NBEA: variants seen among roughly 807,000 people sequenced by gnomAD.
The protein encoded by NBEA is lysosomal-trafficking regulator 2.
A neutral mutation model predicts 343.4 loss-of-function variants in NBEA; 44 were observed. The observed-to-expected ratio is 0.13, with a 90% CI of 0.10 to 0.16. NBEA has a LOEUF of 0.16. Ranked by LOEUF, NBEA falls within the 10% of genes least tolerant of loss-of-function variation. NBEA has a pLI of 1.00. For synonymous variants in NBEA, 1,175 were observed against 1,238.7 expected, an observed-to-expected ratio of 0.95 and a Z score of 1.08; for missense variants, 2,555 against 3,631.3, an observed-to-expected ratio of 0.70 and a Z score of 7.62.
chr13:35,008,339 G>A (rs1349966390), intron 1 of NBEA, among the ~76,000 whole-genome samples: 1 of 152,082 alleles, frequency 6.6e-6, no homozygotes, highest in African/African-American at 2.4e-5. Flanking sequence ...ATCCCTTAAG[G>A]AAAATGGCTT....
intron 38 of NBEA, among the ~76,000 whole-genome samples, chr13:35,386,553 A>G (rs1438764816): frequency 1.3e-5 from 2 of 152,160 alleles, no homozygotes; most frequent in Non-Finnish European, 2.9e-5. Context: ...TAAAATAACT[A>G]TAGGCTTATC....
chr13:35,251,453 C>A, intron 34 of NBEA: 12 of 1,057,978 alleles, frequency 1.1e-5, no homozygotes, highest in Non-Finnish European at 1.4e-5. Flanking sequence ...GAGAACTTAT[C>A]ACTCAGAGAG....
chr13:35,302,812 A>G (rs2036639559), intron 35 of NBEA, among the ~76,000 whole-genome samples: 1 of 152,160 alleles, frequency 6.6e-6, no homozygotes, highest in Non-Finnish European at 1.5e-5. Flanking sequence ...TTCTGGCCCT[A>G]GTGTCATCAC....
At chr13:35,138,135 A>G (rs1167982169) in intron 17 of NBEA, among the ~76,000 whole-genome samples, 2 of 152,146 alleles carry the variant, frequency 1.3e-5, no homozygotes, top group African/African-American at 2.4e-5. Context: ...TTGATCAGCA[A>G]TTCTTGTCAA....
chr13:35,189,283 CTAA>C (rs2071993557), intron 30 of NBEA, among the ~76,000 whole-genome samples: 1 of 152,060 alleles, frequency 6.6e-6, no homozygotes, highest in African/African-American at 2.4e-5. Context: ...TTGTATTCCT[CTAA>C]TAATTAGCGA....
chr13:35,048,097 T>C (rs1370966759), intron 4 of NBEA, among the ~76,000 whole-genome samples: 2 of 151,614 alleles, frequency 1.3e-5, no homozygotes, highest in African/African-American at 4.8e-5. Flanking sequence ...TTATGAACAT[T>C]ATCTCTTAAT....
chr13:35,108,105 A>G (rs1013211519), intron 11 of NBEA, among the ~76,000 whole-genome samples: 26 of 152,180 alleles, frequency 1.7e-4, no homozygotes, highest in Admixed American at 1.4e-3. Flanking sequence ...TGGTAAGACA[A>G]TTTCATCCCT....
intron 40 of NBEA, among the ~76,000 whole-genome samples, chr13:35,455,972 A>G (rs1170761877): frequency 6.6e-6 from 1 of 152,058 alleles, no homozygotes; most frequent in East Asian, 1.9e-4. Context: ...TGAAAATGAC[A>G]TCTTCTGTTT....
At chr13:35,229,090 G>C (rs555646364) in intron 33 of NBEA, among the ~76,000 whole-genome samples, 38 of 152,222 alleles carry the variant, frequency 2.5e-4, no homozygotes, top group African/African-American at 8.4e-4. Flanking sequence ...GAGTGTAGTG[G>C]CATGATCATA....
At chr13:35,210,240 T>G (rs117095241) in intron 32 of NBEA, among the ~76,000 whole-genome samples, 1 of 151,706 alleles carries the variant, frequency 6.6e-6, no homozygotes, top group Non-Finnish European at 1.5e-5. Context: ...GTATATAATA[T>G]TATAATGAGA....
intron 1 of NBEA, among the ~76,000 whole-genome samples, chr13:35,011,595 G>T (rs1468250906): frequency 6.6e-6 from 1 of 152,046 alleles, no homozygotes; most frequent in Admixed American, 6.6e-5. Flanking sequence ...AAAATTTTTT[G>T]ATATTAATTT....
chr13:34,998,781 A>C (rs1260516720), intron 1 of NBEA, among the ~76,000 whole-genome samples: 3 of 152,068 alleles, frequency 2.0e-5, no homozygotes, highest in Admixed American at 6.6e-5. Context: ...CAATTTGTGC[A>C]GTTAACGCAA....
intron 8 of NBEA, among the ~76,000 whole-genome samples, chr13:35,067,705 A>G (rs2063707142): frequency 6.6e-6 from 1 of 152,118 alleles, no homozygotes; most frequent in South Asian, 2.1e-4. Flanking sequence ...ATATTTATAT[A>G]AAGGCTTATA....
intron 11 of NBEA, among the ~76,000 whole-genome samples, chr13:35,106,769 C>T (rs1240817060): frequency 6.8e-6 from 1 of 147,054 alleles, no homozygotes; most frequent in Non-Finnish European, 1.5e-5. Context: ...CCCCCTCCGC[C>T]TTTTTTTTTT....
chr13:35,301,475 AAT>A (rs2036542941), intron 35 of NBEA, among the ~76,000 whole-genome samples: 1 of 152,032 alleles, frequency 6.6e-6, no homozygotes, highest in Non-Finnish European at 1.5e-5. Flanking sequence ...TGCTGAGGAT[AAT>A]AGTTTCCAGC....
intron 49 of NBEA, among the ~76,000 whole-genome samples, chr13:35,635,957 T>G (rs549267477): frequency 8.9e-4 from 136 of 152,326 alleles, no homozygotes; most frequent in Non-Finnish European, 1.6e-3. Flanking sequence ...TTGTGTTATT[T>G]TTATTGTGTG....
Position 35,153,070 on chromosome 13 carries a change from C to T in NBEA, c.2446-2704C>T, listed in dbSNP as rs948454384. On this transcript the variant is annotated intron_variant, in intron 18 of 58. Transcript: ENST00000379939. ...TTTTTTTTTTTGAGACAGAGTCTCA[C>T]TCTGTCGCCCAGGCTGCAGTGGCGT... Among the ~76,000 whole-genome samples the T allele has an allele frequency of 2.1e-5, 3 of 142,382 alleles. No homozygotes were observed. The Admixed American group carries it at 2.1e-4, about 10-fold the overall frequency. The allele number at this position is 142,382 out of a possible 152,430, so 93.4% of individuals were successfully genotyped here.
intron 44 of NBEA, among the ~76,000 whole-genome samples, chr13:35,564,946 A>G (rs1337006048): frequency 1.3e-5 from 2 of 152,248 alleles, no homozygotes; most frequent in Admixed American, 6.5e-5. Flanking sequence ...TATTGGGCAG[A>G]TGGCATATGC....
intron 10 of NBEA, among the ~76,000 whole-genome samples, chr13:35,073,160 T>G (rs2063949149): frequency 6.6e-6 from 1 of 152,184 alleles, no homozygotes; most frequent in Admixed American, 6.5e-5. Flanking sequence ...AAGTGGGATT[T>G]CTCCCTCTAT....
Sources: allele counts gnomAD v4.1 joint callset (sites outside exome capture counted in the v4.1 genomes callset), GRCh38; gene constraint gnomAD v4.1.1; transcripts MANE v1.5; gene names NCBI Gene and HGNC (gene_info 2026-07-23, HGNC 2026-07-21).